ANKIB1: variants seen among roughly 807,000 people sequenced by gnomAD.
ANKIB1 encodes the protein ankyrin repeat and IBR domain-containing protein 1.
In ANKIB1, 43 loss-of-function variants were observed where a neutral mutation model predicts 122.1. The ratio of observed to expected loss-of-function variants is 0.35; its 90% CI spans 0.28 to 0.45. The LOEUF (loss-of-function observed/expected upper bound fraction) is 0.45, where lower values mean the gene tolerates loss of function less well. ANKIB1 is among the 20% of genes least tolerant of loss of function. ANKIB1 has a pLI of 1.00. For synonymous variants in ANKIB1, 390 were observed against 442.0 expected, an observed-to-expected ratio of 0.88 and a Z score of 1.48; for missense variants, 992 against 1,329.5, an observed-to-expected ratio of 0.75 and a Z score of 3.95.
chr7:92,249,172 G>C (rs922573916), intron 1 of ANKIB1, among the ~76,000 whole-genome samples: 9 of 152,172 alleles, frequency 5.9e-5, no homozygotes, highest in African/African-American at 1.9e-4. Flanking sequence ...ATGGGTGTCA[G>C]CCACTGCGCC....
intron 1 of ANKIB1, among the ~76,000 whole-genome samples, chr7:92,293,228 G>A (rs938527161): frequency 3.3e-5 from 5 of 152,138 alleles, no homozygotes; most frequent in Admixed American, 6.5e-5. Flanking sequence ...TTTTTGTTAT[G>A]AGATGTAGTT....
Position 92,351,171 on chromosome 7 carries a change from T to G in ANKIB1, c.1230+77T>G, listed in dbSNP as rs562850457. 6 of 1,232,202 alleles carry G rather than the reference T, an allele frequency of 4.9e-6. No individual in the cohort carries two copies. In the South Asian group the frequency reaches 1.2e-4, roughly 25 times the overall value. The allele number at this position is 1,232,202 out of a possible 1,614,324, so 76.3% of individuals were successfully genotyped here. On this transcript the variant is annotated intron_variant, in intron 8 of 19. Transcript: ENST00000265742. ...AAACCTTTATAACATTATTTTTTCT[T>G]TTTGTTTTATTTTTGAAAACAAAAT...
At chr7:92,396,580 A>G in intron 18 of ANKIB1, 104 bp downstream of exon 18, 1 of 639,030 alleles carries the variant, frequency 1.6e-6, no homozygotes, top group Non-Finnish European at 2.8e-6. Context: ...ATTTAGATAT[A>G]CAATAAATAT....
intron 9 of ANKIB1, among the ~76,000 whole-genome samples, chr7:92,358,760 T>G (rs1803880004): frequency 6.7e-6 from 1 of 149,788 alleles, no homozygotes; most frequent in African/African-American, 2.4e-5. Flanking sequence ...TTTCATTGAT[T>G]GCATTTGTTT....
intron 1 of ANKIB1, among the ~76,000 whole-genome samples, chr7:92,286,574 G>A (rs963421030): frequency 1.3e-5 from 2 of 151,654 alleles, no homozygotes; most frequent in African/African-American, 4.8e-5. Flanking sequence ...CTGCCTCCTG[G>A]GTTTAATCGA....
chr7:92,393,502 G>GA (rs1190216257), intron 17 of ANKIB1, among the ~76,000 whole-genome samples: 1 of 150,280 alleles, frequency 6.7e-6, no homozygotes. Flanking sequence ...AATTATAAAA[G>GA]AAAAAAAAAT....
intron 3 of ANKIB1, among the ~76,000 whole-genome samples, chr7:92,310,715 G>T (rs1184949424): frequency 6.6e-6 from 1 of 152,038 alleles, no homozygotes; most frequent in Non-Finnish European, 1.5e-5. Flanking sequence ...ACTTTAAATT[G>T]TCTCTAGATT....
chr7:92,287,886 A>T (rs1411409207), intron 1 of ANKIB1, among the ~76,000 whole-genome samples: 1 of 152,112 alleles, frequency 6.6e-6, no homozygotes, highest in African/African-American at 2.4e-5. Context: ...ATACAAAAAA[A>T]TTAGCCAGGC....
At chr7:92,294,163 A>G (rs1445536866) in intron 1 of ANKIB1, among the ~76,000 whole-genome samples, 2 of 152,206 alleles carry the variant, frequency 1.3e-5, no homozygotes, top group Non-Finnish European at 1.5e-5. Context: ...TAAATTAGCA[A>G]TCACATTGCC....
At chr7:92,275,752 C>A (rs1336161252) in intron 1 of ANKIB1, among the ~76,000 whole-genome samples, 1 of 152,086 alleles carries the variant, frequency 6.6e-6, no homozygotes, top group Non-Finnish European at 1.5e-5. Flanking sequence ...AAGGAATAGA[C>A]CTAAAGATTT....
At chr7:92,261,072 G>A (rs1355034041) in intron 1 of ANKIB1, among the ~76,000 whole-genome samples, 3 of 151,942 alleles carry the variant, frequency 2.0e-5, no homozygotes, top group African/African-American at 4.8e-5. Flanking sequence ...TTTTTTGGCC[G>A]GGCGCGGTGG....
At chr7:92,318,018 G>A (rs1336243602) in intron 3 of ANKIB1, among the ~76,000 whole-genome samples, 1 of 152,070 alleles carries the variant, frequency 6.6e-6, no homozygotes, top group Non-Finnish European at 1.5e-5. Flanking sequence ...TAAAAACTTG[G>A]TCAGACTTGT....
Position 92,307,341 on chromosome 7 carries a change from C to A in ANKIB1, c.189-18C>A, listed in dbSNP as rs1562777288. 6.3e-7 allele frequency: 1 copy of A among 1,587,100 alleles called. No homozygotes were observed. Among genetic ancestry groups the A allele is most frequent in the Non-Finnish European group, 8.6e-7 (1 of 1,165,370 alleles). ...AAGTGATTTTCATCCTTTATTTTTC[C>A]CTTTCTTTCCATTTTAGGACTTTTC... On this transcript the variant is annotated intron_variant, in intron 2 of 19. Transcript: ENST00000265742.
At position 92,399,420 on chromosome 7, in the gene ANKIB1, T is replaced by G. The variant is rs1188662615; in HGVS notation, c.*471T>G. The G allele has an allele frequency of 1.3e-5, 2 of 152,294 alleles. No individual in the cohort carries two copies. Among genetic ancestry groups the G allele is most frequent in the Non-Finnish European group, 2.9e-5 (2 of 68,096 alleles). 9.4% of individuals were successfully genotyped at this position (152,294 alleles called of 1,614,324 possible). On this transcript the variant is annotated 3_prime_UTR_variant, in exon 20 of 20. Transcript: ENST00000265742. ...TATGTCCTCAATCTCTTTGTGCTCT[T>G]CCATAACTTACTTCCTTTTTGTCTG...
intron 10 of ANKIB1, among the ~76,000 whole-genome samples, chr7:92,371,168 T>C (rs572923744): frequency 1.4e-5 from 2 of 140,222 alleles, no homozygotes; most frequent in South Asian, 4.8e-4. Flanking sequence ...AATGGAGTAA[T>C]ATGTTGCTTT....
chr7:92,371,072 T>C (rs1193347139), intron 10 of ANKIB1, among the ~76,000 whole-genome samples: 1 of 152,236 alleles, frequency 6.6e-6, no homozygotes, highest in Non-Finnish European at 1.5e-5. Context: ...TTTCTGATCA[T>C]TATATTTGCA....
chr7:92,367,127 G>A (rs1804104903), intron 10 of ANKIB1, among the ~76,000 whole-genome samples: 1 of 152,156 alleles, frequency 6.6e-6, no homozygotes, highest in South Asian at 2.1e-4. Flanking sequence ...TCCCAAAGGG[G>A]GTTTTGATTT....
At chr7:92,250,009 C>T (rs576115979) in intron 1 of ANKIB1, among the ~76,000 whole-genome samples, 51 of 152,166 alleles carry the variant, frequency 3.4e-4, no homozygotes, top group African/African-American at 1.1e-3. Flanking sequence ...GAGAAGCTGT[C>T]GTACAGTCAT....
intron 1 of ANKIB1, among the ~76,000 whole-genome samples, chr7:92,289,470 T>C (rs1390793169): frequency 2.0e-5 from 3 of 152,242 alleles, no homozygotes; most frequent in South Asian, 2.1e-4. Context: ...CCTGATAAAC[T>C]AGATAACAAG....
Sources: allele counts gnomAD v4.1 joint callset (sites outside exome capture counted in the v4.1 genomes callset), GRCh38; gene constraint gnomAD v4.1.1; transcripts MANE v1.5; gene names NCBI Gene and HGNC (gene_info 2026-07-23, HGNC 2026-07-21).